GALNT13: variants seen among roughly 807,000 people sequenced by gnomAD.
GALNT13 encodes the protein polypeptide N-acetylgalactosaminyltransferase 13.
Under a neutral mutation model 64.2 loss-of-function variants are expected in GALNT13, and 28 were observed. That is an observed-to-expected ratio of 0.44 (90% CI 0.32 to 0.60). The LOEUF is 0.60. Among genes scored for constraint, GALNT13 ranks in the 20% least tolerant of loss-of-function variants. The pLI is 0.05. For missense variants in GALNT13, 577 were observed against 669.8 expected (o/e 0.86, Z 1.53); for synonymous variants, 214 against 224.6 (o/e 0.95, Z 0.42).
At chr2:153,209,110 C>A in the GALNT13 span, among the ~76,000 whole-genome samples, 2 of 150,426 alleles carry the variant, frequency 1.3e-5, no homozygotes, top group Admixed American at 6.6e-5. Context: ...CCAGAGTAGC[C>A]GGGACTACAG....
chr2:153,403,918 C>G, the GALNT13 span, among the ~76,000 whole-genome samples: 6 of 152,154 alleles, frequency 3.9e-5, no homozygotes, highest in Admixed American at 1.3e-4. Flanking sequence ...AGCTGTAGAC[C>G]GGAGCTGTTC....
At chr2:153,980,788 A>G (rs1348005558) in intron 3 of GALNT13, among the ~76,000 whole-genome samples, 1 of 152,130 alleles carries the variant, frequency 6.6e-6, no homozygotes, top group Non-Finnish European at 1.5e-5. Flanking sequence ...TGTGAGTATG[A>G]AATAGAGGTA....
At chr2:153,261,878 C>T in the GALNT13 span, among the ~76,000 whole-genome samples, 4 of 152,046 alleles carry the variant, frequency 2.6e-5, no homozygotes, top group Non-Finnish European at 5.9e-5. Context: ...TGGCTACCAC[C>T]AATGTTTGCT....
chr2:153,757,681 T>C, the GALNT13 span, among the ~76,000 whole-genome samples: 4 of 152,166 alleles, frequency 2.6e-5, no homozygotes, highest in Non-Finnish European at 5.9e-5. Flanking sequence ...GCTATCCTGA[T>C]AAGTGTAAGG....
chr2:153,623,275 A>G, the GALNT13 span, among the ~76,000 whole-genome samples: 8 of 152,116 alleles, frequency 5.3e-5, no homozygotes, highest in African/African-American at 1.9e-4. Flanking sequence ...CCCTTCCTCA[A>G]CGTGCTTTCC....
At chr2:153,142,681 T>G in the GALNT13 span, among the ~76,000 whole-genome samples, 6 of 152,102 alleles carry the variant, frequency 3.9e-5, no homozygotes, top group African/African-American at 1.4e-4. Context: ...TATTGTAAGC[T>G]TTCTTTGCCT....
chr2:153,923,388 G>A (rs952247281), intron 2 of GALNT13, among the ~76,000 whole-genome samples: 33 of 151,952 alleles, frequency 2.2e-4, no homozygotes, highest in African/African-American at 7.3e-4. Flanking sequence ...AATTACATTC[G>A]TTATATACTA....
At chr2:153,224,074 C>T in the GALNT13 span, among the ~76,000 whole-genome samples, 1 of 152,098 alleles carries the variant, frequency 6.6e-6, no homozygotes, top group Non-Finnish European at 1.5e-5. Flanking sequence ...AAGAGAGATT[C>T]AAAATGAATA....
chr2:153,436,199 G>C, the GALNT13 span, among the ~76,000 whole-genome samples: 1 of 152,282 alleles, frequency 6.6e-6, no homozygotes, highest in South Asian at 2.1e-4. Flanking sequence ...TGGTAGATAA[G>C]CTTTTTGATG....
the GALNT13 span, among the ~76,000 whole-genome samples, chr2:153,128,660 G>T: frequency 0.037 from 5,606 of 152,266 alleles, 139 homozygotes; most frequent in African/African-American, 0.071. Context: ...CTGTGTGAGT[G>T]TGCATGCAGA....
intron 1 of GALNT13, among the ~76,000 whole-genome samples, chr2:153,899,600 C>T (rs1343731359): frequency 6.6e-6 from 1 of 152,078 alleles, no homozygotes; most frequent in Non-Finnish European, 1.5e-5. Flanking sequence ...GAGACCTGTG[C>T]AATCCCAATG....
At position 154,329,552 on chromosome 2, in the gene GALNT13, A is replaced by G. The variant is rs866968094; in HGVS notation, c.1156+27963A>G. 2.4e-4 allele frequency among the ~76,000 whole-genome samples: 36 copies of G among 152,308 alleles called. 1 individual carries two copies. In the Middle Eastern group the frequency reaches 0.017, roughly 72 times the overall value. On this transcript the variant is annotated intron_variant, in intron 9 of 12. Coordinates refer to ENST00000392825, the MANE Select transcript of GALNT13 (RefSeq NM_052917.4). ...ATCTAGTTTTACACATTTTGGAAAC[A>G]GAAGACATGGTGAATTTCTTATACT...
At chr2:154,324,742 G>A (rs67688538) in intron 9 of GALNT13, among the ~76,000 whole-genome samples, 10,916 of 152,060 alleles carry the variant, frequency 0.072, 460 homozygotes, top group Middle Eastern at 0.12. Flanking sequence ...GGTGCACAGA[G>A]CAAAAGATGA....
intron 3 of GALNT13, among the ~76,000 whole-genome samples, chr2:154,094,133 C>A (rs144034594): frequency 6.6e-6 from 1 of 151,848 alleles, no homozygotes; most frequent in African/African-American, 2.4e-5. Context: ...TTTTCCCAGG[C>A]CGATTTCTTA....
At chr2:153,357,226 T>C in the GALNT13 span, 1 of 152,214 alleles carries the variant, frequency 6.6e-6, no homozygotes, top group Admixed American at 6.5e-5. Context: ...AAAAGTTTAA[T>C]TGTATACTTT....
the GALNT13 span, among the ~76,000 whole-genome samples, chr2:153,144,620 A>G: frequency 6.6e-6 from 1 of 151,960 alleles, no homozygotes; most frequent in Admixed American, 6.6e-5. Flanking sequence ...AGTGACTGGC[A>G]TAATCATCAT....
the GALNT13 span, among the ~76,000 whole-genome samples, chr2:153,306,099 G>T: frequency 1.3e-5 from 2 of 152,232 alleles, no homozygotes; most frequent in East Asian, 3.9e-4. Flanking sequence ...GTTGACTGGG[G>T]ATTTCTTTAT....
At chr2:153,969,464 A>C (rs1693601874) in intron 3 of GALNT13, among the ~76,000 whole-genome samples, 1 of 152,116 alleles carries the variant, frequency 6.6e-6, no homozygotes. Flanking sequence ...AAATAGAAGA[A>C]GAATATAAAA....
chr2:153,555,029 G>C, the GALNT13 span, among the ~76,000 whole-genome samples: 28 of 151,812 alleles, frequency 1.8e-4, no homozygotes, highest in African/African-American at 6.1e-4. Context: ...TATTTTGTTG[G>C]ATAAATGAAA....
Sources: allele counts gnomAD v4.1 joint callset (sites outside exome capture counted in the v4.1 genomes callset), GRCh38; gene constraint gnomAD v4.1.1; transcripts MANE v1.5; gene names NCBI Gene and HGNC (gene_info 2026-07-23, HGNC 2026-07-21).